The following SLC25A16 variants were observed in gnomAD, a reference collection of about 807,000 sequenced individuals.
The protein encoded by SLC25A16 is mitochondrial coenzyme A transporter SLC25A16.
In SLC25A16, 39 loss-of-function variants were observed where a neutral mutation model predicts 41.5. The observed-to-expected ratio is 0.94, with a 90% CI of 0.73 to 1.23. SLC25A16 has a LOEUF of 1.23. Ranked by LOEUF, SLC25A16 falls within the 50% of genes most tolerant of loss-of-function variation. SLC25A16 has a pLI of 0.00. For missense variants in SLC25A16, 421 were observed against 426.9 expected, an observed-to-expected ratio of 0.99 and a Z score of 0.12; for synonymous variants, 146 against 147.8, an observed-to-expected ratio of 0.99 and a Z score of 0.09.
At chr10:68,486,354 C>T (rs894297278) in intron 8 of SLC25A16, among the ~76,000 whole-genome samples, 2 of 151,866 alleles carry the variant, frequency 1.3e-5, no homozygotes, top group East Asian at 2.0e-4. Flanking sequence ...CTTGGCCCCC[C>T]AAATTGCTCG....
In SLC25A16 at chr10:68,503,672, A is replaced by G; in HGVS notation, c.381T>C (p.Ile127=). The change falls in exon 4 of 9, where the codon ATT becomes ATC. Residue 127 remains isoleucine, a synonymous_variant. Transcript: ENST00000609923. ...YKTLITTKLG[I]SGHVHRLMAG... ...CCATTAATCTGTGCACATGACCTGA[A>G]ATTCCCAGCTTCGTAGTAATTAACT... is the stretch of plus-strand genomic sequence containing the variant. The G allele has an allele frequency of 6.2e-7, 1 of 1,606,540 alleles. No individual in the cohort carries two copies. The highest frequency in any genetic ancestry group is 1.1e-5 in the South Asian group (1 of 90,182).
chr10:68,516,153 T>A (rs1276715161), intron 2 of SLC25A16, among the ~76,000 whole-genome samples: 2 of 152,144 alleles, frequency 1.3e-5, no homozygotes, highest in Non-Finnish European at 2.9e-5. Flanking sequence ...GCAAGGTCAT[T>A]TTTATTTTTT....
intron 2 of SLC25A16, 85 bp from the exon 3 acceptor site, chr10:68,506,803 T>A: frequency 1.3e-6 from 1 of 762,554 alleles, no homozygotes; most frequent in Non-Finnish European, 2.0e-6. Flanking sequence ...AAGATTAATG[T>A]GCCATCACTC....
Position 68,506,703 on chromosome 10 carries a change from A to G in SLC25A16, c.239T>C (p.Leu80Ser), listed in dbSNP as rs765893386. 1.3e-6 allele frequency: 2 copies of G among 1,577,664 alleles called. No homozygotes were observed. Among genetic ancestry groups the G allele is most frequent in the South Asian group, 1.2e-5 (1 of 84,836 alleles). Residue 80 changes from leucine (L) to serine (S), a missense_variant, in exon 3 of 9, where the codon TTG (leucine) becomes TCG (serine). By Grantham distance (145) the Leu-to-Ser change is moderately radical. Coordinates refer to ENST00000609923, the MANE Select transcript of SLC25A16 (RefSeq NM_152707.4). Reference protein sequence around the residue: ...HYKHLGVFSALRAVPQKEGFL... With the variant: ...HYKHLGVFSASRAVPQKEGFL... ...TCCTTCTTTTTGAGGAACAGCACGC[A>G]ATGCAGAAAATACTCCTATTTTTAG...
intron 6 of SLC25A16, 102 bp downstream of exon 6, chr10:68,493,030 C>T (rs1214582445): frequency 2.7e-5 from 19 of 709,858 alleles, no homozygotes; most frequent in Non-Finnish European, 3.9e-5. Flanking sequence ...ATTAAAAGTA[C>T]TTAACAGATA....
At chr10:68,500,257 A>C (rs2052818482) in intron 4 of SLC25A16, among the ~76,000 whole-genome samples, 1 of 152,194 alleles carries the variant, frequency 6.6e-6, no homozygotes, top group African/African-American at 2.4e-5. Flanking sequence ...ACATAAATTA[A>C]TCATAAGATC....
intron 2 of SLC25A16, 89 bp downstream of exon 2, chr10:68,516,662 C>T (rs2053165755): frequency 1.1e-6 from 1 of 886,858 alleles, no homozygotes; most frequent in African/African-American, 1.7e-5. Context: ...CTCTACTTTA[C>T]TTTTTACACC....
intron 1 of SLC25A16, chr10:68,518,098 A>G (rs2133590907): frequency 6.6e-6 from 1 of 152,152 alleles, no homozygotes; most frequent in East Asian, 1.9e-4. Flanking sequence ...GCTCCAGCCT[A>G]GATAACACAG....
chr10:68,503,629 T>C lies in SLC25A16; in HGVS notation c.421+3A>G. 1.3e-6 allele frequency: 2 copies of C among 1,575,276 alleles called. No homozygotes were observed. Among genetic ancestry groups the C allele is most frequent in the Non-Finnish European group, 1.7e-6 (2 of 1,150,472 alleles). ...GAAATAAAATATACCTAACTCCTCT[T>C]ACCTGCCATGGATCCAGCCATTAAT... On this transcript the variant is annotated splice_donor_region_variant and intron_variant, in intron 4 of 8. Transcript: ENST00000609923.
chr10:68,506,837 T>A (rs1196433218), intron 2 of SLC25A16, 119 bp from the exon 3 acceptor site: 1 of 556,918 alleles, frequency 1.8e-6, no homozygotes, highest in African/African-American at 2.0e-5. Context: ...GCTTGAGGGA[T>A]TACATGAATA....
intron 2 of SLC25A16, among the ~76,000 whole-genome samples, chr10:68,513,848 C>A (rs995415726): frequency 2.0e-5 from 3 of 151,862 alleles, no homozygotes; most frequent in African/African-American, 7.3e-5. Context: ...TGTGATTGAG[C>A]CAGCCTGGGC....
At chr10:68,515,267 G>C (rs1220076221) in intron 2 of SLC25A16, among the ~76,000 whole-genome samples, 1 of 149,912 alleles carries the variant, frequency 6.7e-6, no homozygotes, top group Non-Finnish European at 1.5e-5. Context: ...TGAGGCAGGA[G>C]AATCACTTGA....
At position 68,479,051 on chromosome 10, in the gene SLC25A16, C is replaced by T. The variant is rs34879544; in HGVS notation, c.*4381G>A. Reference sequence around the variant, plus strand: ...GATTACAGGCGTGAGCCACCATGCCCGGCCAGGTTTTATTATATATTTGCC... The same window carrying T: ...GATTACAGGCGTGAGCCACCATGCCTGGCCAGGTTTTATTATATATTTGCC... On this transcript the variant is annotated 3_prime_UTR_variant, in exon 9 of 9. Coordinates refer to ENST00000609923, the MANE Select transcript of SLC25A16 (RefSeq NM_152707.4). 5,887 of 152,204 alleles carry T rather than the reference C, an allele frequency of 0.039. 126 individuals are homozygous for T. The highest frequency in any genetic ancestry group is 0.058 in the Middle Eastern group (17 of 294). 9.4% of individuals were successfully genotyped at this position (152,204 alleles called of 1,614,324 possible).
At chr10:68,486,374 C>T (rs936870635) in intron 8 of SLC25A16, among the ~76,000 whole-genome samples, 3 of 151,822 alleles carry the variant, frequency 2.0e-5, no homozygotes, top group Non-Finnish European at 4.4e-5. Context: ...GGATTACAGG[C>T]ATGAGCTACC....
intron 4 of SLC25A16, among the ~76,000 whole-genome samples, chr10:68,502,697 A>C (rs1185131588): frequency 7.2e-6 from 1 of 139,212 alleles, no homozygotes; most frequent in African/African-American, 2.7e-5. Context: ...ACGCCACTGC[A>C]CTCCAAGTCT....
intron 4 of SLC25A16, chr10:68,499,449 G>C (rs978951127): frequency 1.2e-5 from 2 of 163,716 alleles, no homozygotes; most frequent in African/African-American, 2.4e-5. Context: ...TAAAACATAC[G>C]TGGGGAAAGA....
intron 8 of SLC25A16, among the ~76,000 whole-genome samples, chr10:68,486,434 G>A (rs1221407578): frequency 6.6e-6 from 1 of 150,552 alleles, no homozygotes; most frequent in African/African-American, 2.4e-5. Context: ...GTTTGTTTTT[G>A]TTTTTTTTAT....
Position 68,478,847 on chromosome 10 carries a change from TTC to T in SLC25A16, c.*4583_*4584del, listed in dbSNP as rs1476251210. ...ATCTTGGCTCACTGCAACCTCCGCCTTCTGGGTTCAAGCAATTCTCCTACCTC... is the reference window on the plus strand; with the variant it reads ...ATCTTGGCTCACTGCAACCTCCGCCTTGGGTTCAAGCAATTCTCCTACCTC... On this transcript the variant is annotated 3_prime_UTR_variant, in exon 9 of 9. Transcript: ENST00000609923. 1 of 152,060 alleles carries T rather than the reference TTC, an allele frequency of 6.6e-6. No individual in the cohort carries two copies. Among genetic ancestry groups the T allele is most frequent in the East Asian group, 1.9e-4 (1 of 5,190 alleles). 9.4% of individuals were successfully genotyped at this position (152,060 alleles called of 1,614,324 possible).
At chr10:68,519,396 G>C (rs1169293164) in intron 1 of SLC25A16, among the ~76,000 whole-genome samples, 1 of 151,262 alleles carries the variant, frequency 6.6e-6, no homozygotes, top group African/African-American at 2.4e-5. Context: ...CTGAGGCAGA[G>C]AATTGCCTGA....
Sources: allele counts gnomAD v4.1 joint callset (sites outside exome capture counted in the v4.1 genomes callset), GRCh38; gene constraint gnomAD v4.1.1; transcripts MANE v1.5; gene names NCBI Gene and HGNC (gene_info 2026-07-23, HGNC 2026-07-21).